AKAP19: variants seen among roughly 807,000 people sequenced by gnomAD.
AKAP19 encodes small A-kinase anchoring protein.
the AKAP19 span, among the ~76,000 whole-genome samples, chr2:190,016,818 G>T: frequency 6.6e-6 from 1 of 152,266 alleles, no homozygotes; most frequent in African/African-American, 2.4e-5. Context: ...CTAAAATGTA[G>T]TTCAAGTTCA....
the AKAP19 span, among the ~76,000 whole-genome samples, chr2:190,004,399 C>A: frequency 2.0e-5 from 3 of 152,116 alleles, no homozygotes; most frequent in African/African-American, 7.2e-5. Flanking sequence ...TAACCTGATA[C>A]ACAATATAAG....
chr2:189,986,148 A>G, the AKAP19 span, among the ~76,000 whole-genome samples: 1 of 152,122 alleles, frequency 6.6e-6, no homozygotes, highest in Non-Finnish European at 1.5e-5. Context: ...TCTTGGGCAA[A>G]TGGCCACCAG....
the AKAP19 span, among the ~76,000 whole-genome samples, chr2:190,160,055 T>G: frequency 6.6e-6 from 1 of 152,220 alleles, no homozygotes; most frequent in Non-Finnish European, 1.5e-5. Context: ...AAGTTCATTT[T>G]TGAAGATATA....
chr2:190,156,789 C>CTCAT, the AKAP19 span, among the ~76,000 whole-genome samples: 1 of 152,102 alleles, frequency 6.6e-6, no homozygotes, highest in Non-Finnish European at 1.5e-5. Context: ...GAAGAGTACT[C>CTCAT]TCATATATGT....
chr2:190,035,992 G>A, the AKAP19 span, among the ~76,000 whole-genome samples: 1 of 152,150 alleles, frequency 6.6e-6, no homozygotes, highest in Non-Finnish European at 1.5e-5. Flanking sequence ...CAGCCAAACT[G>A]TTTTTCAAAG....
chr2:190,010,868 C>A, the AKAP19 span, among the ~76,000 whole-genome samples: 47 of 152,090 alleles, frequency 3.1e-4, no homozygotes, highest in African/African-American at 1.1e-3. Context: ...ACTTAACATA[C>A]AATGTTATGT....
the AKAP19 span, among the ~76,000 whole-genome samples, chr2:190,140,579 C>T: frequency 1.3e-5 from 2 of 152,200 alleles, no homozygotes; most frequent in Non-Finnish European, 1.5e-5. Flanking sequence ...CCTCTGAAGC[C>T]ATGGCCACAC....
the AKAP19 span, among the ~76,000 whole-genome samples, chr2:190,104,657 G>A: frequency 1.3e-5 from 2 of 152,076 alleles, no homozygotes; most frequent in African/African-American, 4.8e-5. Flanking sequence ...AGGCATGGTG[G>A]TGTGTGCCTG....
At chr2:190,189,203 G>C in the AKAP19 span, among the ~76,000 whole-genome samples, 1 of 152,190 alleles carries the variant, frequency 6.6e-6, no homozygotes, top group East Asian at 1.9e-4. Flanking sequence ...AGCTATCTTG[G>C]TCTTTACCGG....
the AKAP19 span, among the ~76,000 whole-genome samples, chr2:190,007,768 C>T: frequency 1.8e-4 from 28 of 152,084 alleles, no homozygotes; most frequent in Non-Finnish European, 3.8e-4. Flanking sequence ...CGAGACCAGC[C>T]GGGGCAACAT....
chr2:190,128,135 C>G, the AKAP19 span, among the ~76,000 whole-genome samples: 6 of 152,106 alleles, frequency 3.9e-5, no homozygotes, highest in African/African-American at 1.4e-4. Flanking sequence ...TATGAAATAG[C>G]ATTGTGTCTT....
the AKAP19 span, among the ~76,000 whole-genome samples, chr2:189,907,883 G>A: frequency 2.0e-5 from 3 of 151,994 alleles, no homozygotes; most frequent in East Asian, 1.9e-4. Context: ...AGAATCCTTT[G>A]TGTTTCTGTG....
chr2:189,967,165 AT>A, the AKAP19 span, among the ~76,000 whole-genome samples: 8 of 152,284 alleles, frequency 5.3e-5, no homozygotes, highest in Admixed American at 1.3e-4. Flanking sequence ...TCCTCCTCCT[AT>A]AAACCAAAGC....
At chr2:189,904,018 G>A in the AKAP19 span, among the ~76,000 whole-genome samples, 1 of 151,968 alleles carries the variant, frequency 6.6e-6, no homozygotes, top group Non-Finnish European at 1.5e-5. Context: ...TTTTTGTGTG[G>A]AAAAATTTGA....
At chr2:189,951,487 G>A in the AKAP19 span, among the ~76,000 whole-genome samples, 1 of 152,158 alleles carries the variant, frequency 6.6e-6, no homozygotes, top group Non-Finnish European at 1.5e-5. Flanking sequence ...ATAGATGTAA[G>A]CCACTGCGCC....
chr2:189,952,713 TAGG>T, the AKAP19 span, among the ~76,000 whole-genome samples: 1 of 152,370 alleles, frequency 6.6e-6, no homozygotes, highest in East Asian at 1.9e-4. Flanking sequence ...TGTGCAACTG[TAGG>T]AGAATTACAT....
At chr2:189,939,759 T>C in the AKAP19 span, among the ~76,000 whole-genome samples, 1 of 152,210 alleles carries the variant, frequency 6.6e-6, no homozygotes, top group South Asian at 2.1e-4. Context: ...CTGAGAAATA[T>C]ATTAGTTGAA....
chr2:189,952,469 A>C, the AKAP19 span, among the ~76,000 whole-genome samples: 2 of 152,152 alleles, frequency 1.3e-5, no homozygotes, highest in African/African-American at 2.4e-5. Context: ...AGATCTTAGA[A>C]ATAGAAGTCA....
chr2:190,176,364 T>C, the AKAP19 span, among the ~76,000 whole-genome samples: 1 of 152,214 alleles, frequency 6.6e-6, no homozygotes, highest in Non-Finnish European at 1.5e-5. The surrounding 1 kb of genome is among the most constrained non-coding windows in gnomAD (Gnocchi z 4.7). Flanking sequence ...TCTTTTTTTC[T>C]TGACACAGAG....
Sources: gnomAD v4.1 joint callset for allele counts (sites outside exome capture counted in the v4.1 genomes callset) on GRCh38, gnomAD v4.1.1 for gene constraint, Gnocchi (gnomAD v3.1) non-coding constraint, MANE v1.5 for transcripts, NCBI Gene and HGNC (gene_info 2026-07-23, HGNC 2026-07-21) for gene names.